The following RB1CC1 variants were observed in gnomAD, a reference collection of about 807,000 sequenced individuals.
RB1CC1 encodes RB1-inducible coiled-coil protein 1.
In RB1CC1, 46 loss-of-function variants were observed where a neutral mutation model predicts 177.5. That is an observed-to-expected ratio of 0.26 (90% CI 0.20 to 0.33). The LOEUF is 0.33. Ranked by LOEUF, RB1CC1 falls within the 10% of genes least tolerant of loss-of-function variation. The pLI is 1.00. For missense variants in RB1CC1, 1,703 were observed against 1,816.3 expected, an observed-to-expected ratio of 0.94 and a Z score of 1.13; for synonymous variants, 666 against 613.6, an observed-to-expected ratio of 1.09 and a Z score of -1.26.
chr8:52,713,209 G>A (rs932929716), intron 1 of RB1CC1, among the ~76,000 whole-genome samples: 2 of 152,166 alleles, frequency 1.3e-5, no homozygotes, highest in Non-Finnish European at 2.9e-5. Context: ...GTAGTAACGT[G>A]ACTCTTTATC....
At chr8:52,675,881 C>T (rs1853077276) in intron 6 of RB1CC1, among the ~76,000 whole-genome samples, 4 of 143,902 alleles carry the variant, frequency 2.8e-5, no homozygotes, top group African/African-American at 1.0e-4. Flanking sequence ...AGCGAGCCTC[C>T]GTCTCAGAAA....
chr8:52,689,140 T>C (rs1403999864), intron 1 of RB1CC1, among the ~76,000 whole-genome samples: 1 of 151,942 alleles, frequency 6.6e-6, no homozygotes, highest in East Asian at 1.9e-4. Context: ...CAATCTCCTA[T>C]ATGCATTTCT....
chr8:52,681,225 T>C (rs1440485906), intron 5 of RB1CC1, among the ~76,000 whole-genome samples: 2 of 152,044 alleles, frequency 1.3e-5, no homozygotes, highest in African/African-American at 4.8e-5. Flanking sequence ...CTCAAACTCC[T>C]GACCTCATGA....
At chr8:52,693,102 A>C (rs1855054501) in intron 1 of RB1CC1, among the ~76,000 whole-genome samples, 2 of 152,224 alleles carry the variant, frequency 1.3e-5, no homozygotes, top group Non-Finnish European at 2.9e-5. Flanking sequence ...TCCCTTCCTT[A>C]CACCACATAC....
chr8:52,645,598 ACATCT>A (rs1849945851), intron 16 of RB1CC1, 99 bp downstream of exon 16: 1 of 1,155,624 alleles, frequency 8.7e-7, no homozygotes, highest in Non-Finnish European at 1.2e-6. Context: ...AAGGAACATC[ACATCT>A]AAGATATAAG....
chr8:52,693,105 C>T (rs988633676), intron 1 of RB1CC1, among the ~76,000 whole-genome samples: 6 of 152,114 alleles, frequency 3.9e-5, no homozygotes, highest in Admixed American at 2.6e-4. Flanking sequence ...CTTCCTTACA[C>T]CACATACAAA....
intron 20 of RB1CC1, among the ~76,000 whole-genome samples, chr8:52,634,455 G>A (rs182078333): frequency 9.2e-5 from 14 of 151,856 alleles, no homozygotes; most frequent in Admixed American, 6.6e-4. Context: ...GAACCCGGGA[G>A]GTGGAGGTTG....
chr8:52,680,988 GTGTGTGTT>G (rs1343643796), intron 5 of RB1CC1, among the ~76,000 whole-genome samples: 2 of 122,532 alleles, frequency 1.6e-5, no homozygotes, highest in South Asian at 2.8e-4. Flanking sequence ...GTGTGTGTGT[GTGTGTGTT>G]TTTTTTTTTT....
chr8:52,668,438 G>A (rs1243084395), intron 7 of RB1CC1, among the ~76,000 whole-genome samples: 1 of 152,168 alleles, frequency 6.6e-6, no homozygotes. Context: ...ATTTCAATCA[G>A]TGCTACAATT....
At chr8:52,653,046 A>G (rs1001874585) in intron 15 of RB1CC1, among the ~76,000 whole-genome samples, 8 of 152,174 alleles carry the variant, frequency 5.3e-5, no homozygotes, top group African/African-American at 1.9e-4. Flanking sequence ...AACAAGAGCG[A>G]AACTCCGTCT....
At chr8:52,678,230 C>A (rs1398768870) in intron 5 of RB1CC1, among the ~76,000 whole-genome samples, 2 of 151,964 alleles carry the variant, frequency 1.3e-5, no homozygotes, top group Non-Finnish European at 2.9e-5. Context: ...TCAGCCTGGC[C>A]AAGATGGTGA....
chr8:52,699,857 A>C (rs1186613905), intron 1 of RB1CC1, among the ~76,000 whole-genome samples: 3 of 138,354 alleles, frequency 2.2e-5, no homozygotes, highest in East Asian at 4.4e-4. Context: ...ATATATATAT[A>C]TACACACAAA....
chr8:52,690,124 CTAGAGA>C (rs1264774295), intron 1 of RB1CC1, among the ~76,000 whole-genome samples: 1 of 152,088 alleles, frequency 6.6e-6, no homozygotes, highest in Non-Finnish European at 1.5e-5. Context: ...CAAAAGGAAG[CTAGAGA>C]TAAACAGGAA....
At position 52,637,658 on chromosome 8, in the gene RB1CC1, C is replaced by CATTTATTTATTTATTTATTT. The variant is rs561831982; in HGVS notation, c.4338-1609_4338-1590dup. 6.2e-3 allele frequency among the ~76,000 whole-genome samples: 941 copies of CATTTATTTATTTATTTATTT among 151,288 alleles called. 14 individuals carry two copies. The highest frequency in any genetic ancestry group is 0.021 in the African/African-American group (856 of 41,022). ...TTTTTCTTCCTTACCAATCTAGATG[C>CATTTATTTATTTATTTATTT]ATTTATTTATTTATTTATTTATTTA... On this transcript the variant is annotated intron_variant, in intron 18 of 23. Transcript: ENST00000025008.
At chr8:52,696,854 T>C (rs1456582432) in intron 1 of RB1CC1, among the ~76,000 whole-genome samples, 2 of 151,868 alleles carry the variant, frequency 1.3e-5, no homozygotes, top group Non-Finnish European at 2.9e-5. Context: ...TATACAAAAA[T>C]TAGCCAGGCA....
At position 52,657,875 on chromosome 8, in the gene RB1CC1, A is replaced by C. The variant is rs747916689; in HGVS notation, c.1954T>G (p.Ser652Ala). Residue 652 changes from serine to alanine, a missense_variant, in exon 15 of 24, where the codon TCT becomes GCT. Physicochemically the swap from Ser to Ala is moderately conservative, Grantham distance 99. This residue lies in a region of RB1CC1 where 1,169 missense variants were observed against 1,184.7 expected (regional missense o/e 0.99). Transcript: ENST00000025008. Reference protein sequence around the residue: ...SVSQTSPQSASSPRMESTAGI... With the variant: ...SVSQTSPQSAASPRMESTAGI... ...GCTGTACTTTCCATCCTTGGTGAAG[A>C]AGCAGACTGTGGGGATGTCTGACTC... 3 of 1,614,040 alleles carry C rather than the reference A, an allele frequency of 1.9e-6. No individual in the cohort carries two copies. The highest frequency in any genetic ancestry group is 1.7e-4 in the Middle Eastern group (1 of 6,060).
At chr8:52,640,506 T>C (rs1849482343) in intron 18 of RB1CC1, among the ~76,000 whole-genome samples, 1 of 152,240 alleles carries the variant, frequency 6.6e-6, no homozygotes, top group African/African-American at 2.4e-5. Flanking sequence ...AAAAAAGCCT[T>C]AAATTCCTAA....
chr8:52,642,774 T>C lies in RB1CC1; in HGVS notation c.4026A>G (p.Arg1342=). ...TAAGATCATTTATTATGTTTTCTTT[T>C]CTCATTTTCTCTCTTGTTAAAACAG... ...FNTVLTREKM[R]KENIINDLSD... is the part of the protein sequence containing the mutation. Residue 1342 remains arginine (R), a synonymous_variant, in exon 17 of 24, where the codon AGA becomes AGG. Transcript: ENST00000025008. The C allele has an allele frequency of 6.4e-7, 1 of 1,572,280 alleles. No individual in the cohort carries two copies. Among genetic ancestry groups the C allele is most frequent in the Non-Finnish European group, 8.6e-7 (1 of 1,167,626 alleles).
intron 1 of RB1CC1, among the ~76,000 whole-genome samples, chr8:52,705,450 A>C (rs941446456): frequency 5.9e-5 from 9 of 152,214 alleles, no homozygotes; most frequent in African/African-American, 1.4e-4. Flanking sequence ...AATGAGTGCT[A>C]AGTGTTGACA....
Sources: gnomAD v4.1 joint callset for allele counts (sites outside exome capture counted in the v4.1 genomes callset) on GRCh38, gnomAD v4.1.1 for gene constraint, gnomAD v4.1.1 regional missense constraint, MANE v1.5 for transcripts, NCBI Gene and HGNC (gene_info 2026-07-23, HGNC 2026-07-21) for gene names.